Variants in KHDRBS2 observed in about 807,000 individuals in gnomAD.
KHDRBS2 encodes the protein KH RNA binding domain containing, signal transduction associated 2, also known as KH domain-containing, RNA-binding, signal transduction-associated protein 2.
Under a neutral mutation model 44.3 loss-of-function variants are expected in KHDRBS2, and 26 were observed. The observed-to-expected ratio is 0.59, with a 90% CI of 0.43 to 0.81. The LOEUF is 0.81. Ranked by LOEUF, KHDRBS2 falls within the 40% of genes least tolerant of loss-of-function variation. KHDRBS2 has a pLI of 0.00. For missense variants in KHDRBS2, 476 were observed against 433.1 expected (o/e 1.10, Z -0.88); for synonymous variants, 194 against 151.1 (o/e 1.28, Z -2.08).
the KHDRBS2 span, among the ~76,000 whole-genome samples, chr6:61,600,665 A>G: frequency 6.6e-6 from 1 of 152,068 alleles, no homozygotes. Context: ...GGTCAGAGGG[A>G]CTTCTTCAGG....
intron 4 of KHDRBS2, among the ~76,000 whole-genome samples, chr6:61,964,559 C>T (rs771646828): frequency 1.3e-5 from 2 of 151,980 alleles, no homozygotes; most frequent in Admixed American, 6.6e-5. Flanking sequence ...TTGACTATTT[C>T]TAAAAAATAA....
chr6:61,927,400 T>C (rs1376640750), intron 4 of KHDRBS2, among the ~76,000 whole-genome samples: 1 of 152,118 alleles, frequency 6.6e-6, no homozygotes, highest in Non-Finnish European at 1.5e-5. Flanking sequence ...CATATAGTCA[T>C]GTCAATGTTA....
At chr6:62,027,369 A>C (rs1391032693) in intron 3 of KHDRBS2, among the ~76,000 whole-genome samples, 1 of 152,120 alleles carries the variant, frequency 6.6e-6, no homozygotes, top group Non-Finnish European at 1.5e-5. Flanking sequence ...TATATATTTG[A>C]TCTTCTTCCC....
At position 61,771,430 on chromosome 6, in the gene KHDRBS2, C is replaced by T. The variant is rs1472426207; in HGVS notation, c.811-38666G>A. On this transcript the variant is annotated intron_variant, in intron 6 of 8. Coordinates refer to ENST00000281156, the MANE Select transcript of KHDRBS2 (RefSeq NM_152688.4). Reference sequence around the variant, plus strand: ...AGTCAAGACTCATCAGTGTGCTGTACTCAGGAAACCCATCTCACGTGCAGA... The same window carrying T: ...AGTCAAGACTCATCAGTGTGCTGTATTCAGGAAACCCATCTCACGTGCAGA... Among the ~76,000 whole-genome samples the T allele has an allele frequency of 2.6e-5, 4 of 152,098 alleles. No homozygotes were observed. The East Asian group carries it at 7.7e-4, about 29-fold the overall frequency.
chr6:62,166,365 T>G (rs1180366194), intron 2 of KHDRBS2, among the ~76,000 whole-genome samples: 1 of 152,038 alleles, frequency 6.6e-6, no homozygotes, highest in African/African-American at 2.4e-5. Context: ...GTTTTATTTT[T>G]TGTGACATCC....
At chr6:61,700,412 G>A (rs1053778045) in intron 7 of KHDRBS2, among the ~76,000 whole-genome samples, 3 of 148,300 alleles carry the variant, frequency 2.0e-5, no homozygotes, top group Non-Finnish European at 4.5e-5. Flanking sequence ...TCTAAACAAG[G>A]GAGAACAGAG....
At chr6:61,674,627 C>T in the KHDRBS2 span, among the ~76,000 whole-genome samples, 4 of 151,678 alleles carry the variant, frequency 2.6e-5, no homozygotes, top group African/African-American at 9.7e-5. Flanking sequence ...ACCCTTATAT[C>T]AATCATAAAT....
chr6:61,572,324 A>G, the KHDRBS2 span, among the ~76,000 whole-genome samples: 1 of 152,162 alleles, frequency 6.6e-6, no homozygotes, highest in African/African-American at 2.4e-5. Context: ...TGAATCAGTA[A>G]TAAAAACAAT....
At chr6:62,217,499 C>T (rs1242197611) in intron 1 of KHDRBS2, among the ~76,000 whole-genome samples, 1 of 151,784 alleles carries the variant, frequency 6.6e-6, no homozygotes, top group Non-Finnish European at 1.5e-5. Context: ...GCTTTTCAAA[C>T]ACATAGTTGG....
At chr6:62,250,006 C>G in intron 1 of KHDRBS2, among the ~76,000 whole-genome samples, 1 of 152,070 alleles carries the variant, frequency 6.6e-6, no homozygotes, top group East Asian at 1.9e-4. Flanking sequence ...GCACTCTGTT[C>G]TTGCATTGAG....
intron 2 of KHDRBS2, among the ~76,000 whole-genome samples, chr6:62,107,823 G>A (rs1214255844): frequency 6.6e-6 from 1 of 152,152 alleles, no homozygotes; most frequent in African/African-American, 2.4e-5. Flanking sequence ...TGACAAACCT[G>A]AGAAAAACGA....
At chr6:61,566,228 G>A in the KHDRBS2 span, among the ~76,000 whole-genome samples, 1 of 152,112 alleles carries the variant, frequency 6.6e-6, no homozygotes, top group South Asian at 2.1e-4. Flanking sequence ...GTTACCAGAG[G>A]CTGAGAAGTG....
At chr6:62,159,655 A>G (rs1817210498) in intron 2 of KHDRBS2, among the ~76,000 whole-genome samples, 1 of 152,138 alleles carries the variant, frequency 6.6e-6, no homozygotes, top group Non-Finnish European at 1.5e-5. Context: ...AAATTTAAAT[A>G]CTAATAGCCT....
intron 6 of KHDRBS2, among the ~76,000 whole-genome samples, chr6:61,778,021 AG>A (rs1782368684): frequency 6.6e-6 from 1 of 152,024 alleles, no homozygotes; most frequent in Non-Finnish European, 1.5e-5. Context: ...ACCTTCAAAT[AG>A]TGTCTGTTGT....
chr6:61,867,395 T>C (rs2127299712), intron 6 of KHDRBS2, among the ~76,000 whole-genome samples: 1 of 152,190 alleles, frequency 6.6e-6, no homozygotes, highest in South Asian at 2.1e-4. Flanking sequence ...CCACAACATG[T>C]GGGAATTCAA....
At chr6:62,097,809 C>A (rs1340002473) in intron 2 of KHDRBS2, among the ~76,000 whole-genome samples, 8 of 151,982 alleles carry the variant, frequency 5.3e-5, no homozygotes, top group Non-Finnish European at 1.2e-4. Context: ...ATATGCAGTT[C>A]TTTGTTCCTT....
intron 3 of KHDRBS2, among the ~76,000 whole-genome samples, chr6:62,004,877 G>A (rs1352303276): frequency 4.0e-5 from 6 of 151,836 alleles, no homozygotes; most frequent in East Asian, 1.9e-4. Flanking sequence ...ATCAATAAAC[G>A]TAATCCATCA....
At chr6:61,571,461 CAAT>C in the KHDRBS2 span, among the ~76,000 whole-genome samples, 152 of 152,006 alleles carry the variant, frequency 1.0e-3, 1 homozygote, top group African/African-American at 3.3e-3. Flanking sequence ...AATGGCAATG[CAAT>C]AATAACAAGG....
intron 4 of KHDRBS2, among the ~76,000 whole-genome samples, chr6:61,941,934 T>C (rs1187267726): frequency 1.3e-5 from 2 of 152,000 alleles, no homozygotes; most frequent in African/African-American, 4.8e-5. Context: ...ATTCAAAACA[T>C]TCCAGAAAAA....
Sources: gnomAD v4.1 joint callset for allele counts (sites outside exome capture counted in the v4.1 genomes callset) on GRCh38, gnomAD v4.1.1 for gene constraint, MANE v1.5 for transcripts, NCBI Gene and HGNC (gene_info 2026-07-23, HGNC 2026-07-21) for gene names.